Variants in ACAP3 observed in about 807,000 individuals in gnomAD.
ACAP3 encodes ArfGAP with coiled-coil, ankyrin repeat and PH domains 3.
ACAP3 carries 56 observed loss-of-function variants against 104.1 expected under a neutral mutation model. The ratio of observed to expected loss-of-function variants is 0.54; its 90% CI spans 0.43 to 0.67. The LOEUF (loss-of-function observed/expected upper bound fraction) is 0.67. Ranked by LOEUF, ACAP3 falls within the 30% of genes least tolerant of loss-of-function variation. The pLI is 0.00. For missense variants in ACAP3, 1,208 were observed against 1,174.9 expected, an observed-to-expected ratio of 1.03 and a Z score of -0.41; for synonymous variants, 628 against 496.2, an observed-to-expected ratio of 1.27 and a Z score of -3.53.
At chr1:1,302,076 G>A (rs1404110071) in intron 4 of ACAP3, 30 bp from the exon 5 acceptor site, 9 of 1,478,720 alleles carry the variant, frequency 6.1e-6, no homozygotes, top group Non-Finnish European at 8.1e-6. Context: ...GAGATCCTTG[G>A]GGTCTGTCCC....
chr1:1,302,793 A>AG (rs1641501124), intron 4 of ACAP3, 129 bp downstream of exon 4: 7 of 202,094 alleles, frequency 3.5e-5, no homozygotes, highest in Non-Finnish European at 6.2e-5. Flanking sequence ...AAAATGTGGG[A>AG]TTCCCCCCCC....
At position 1,307,779 on chromosome 1, in the gene ACAP3, G is replaced by A; in HGVS notation, c.37C>T (p.Pro13Ser). ...VEFEECVKDSPRFRATIDEVE... is the reference protein window; with the variant it reads ...VEFEECVKDSSRFRATIDEVE... ...CCCCGGGCGGCGCACCTGAAGCGCGGGGAGTCCTTGACGCACTCCTCGAAC... is the reference window on the plus strand; with the variant it reads ...CCCCGGGCGGCGCACCTGAAGCGCGAGGAGTCCTTGACGCACTCCTCGAAC... The change falls in exon 1 of 24, where the codon CCG becomes TCG. Residue 13 changes from proline to serine, a missense_variant. Pro to Ser is a moderately conservative substitution (Grantham distance 74). Coordinates refer to ENST00000354700, the MANE Select transcript of ACAP3 (RefSeq NM_030649.3). The A allele has an allele frequency of 9.1e-7, 1 of 1,094,538 alleles. No individual in the cohort carries two copies. The highest frequency in any genetic ancestry group is 1.1e-6 in the Non-Finnish European group (1 of 900,414). 67.8% of individuals were successfully genotyped at this position (1,094,538 alleles called of 1,614,324 possible). A position where few individuals can be genotyped will look rare whatever the true frequency, so the allele number is the denominator to read the frequency against.
Position 1,295,888 on chromosome 1 carries a change from A to G in ACAP3, c.1553T>C (p.Leu518Pro). The G allele has an allele frequency of 6.2e-7, 1 of 1,612,140 alleles. No homozygotes were observed. The highest frequency in any genetic ancestry group is 8.5e-7 in the Non-Finnish European group (1 of 1,179,950). Reference protein sequence around the residue: ...IKDKYVEKKFLRKAPMAPALE... With the variant: ...IKDKYVEKKFPRKAPMAPALE... ...GGCTGGTGCCATGGGCGCCTTCCGC[A>G]GAAACTTCTTTTCCACGTATTTGTC... is the stretch of plus-strand genomic sequence containing the variant. Residue 518 changes from leucine (L) to proline (P), a missense_variant, in exon 18 of 24, where the codon CTG becomes CCG. Transcript: ENST00000354700.
chr1:1,300,218 C>T lies in ACAP3; in HGVS notation c.523-16G>A. 1 of 1,597,724 alleles carries T rather than the reference C, an allele frequency of 6.3e-7. No individual in the cohort carries two copies. Among genetic ancestry groups the T allele is most frequent in the Non-Finnish European group, 8.5e-7 (1 of 1,171,320 alleles). ...GAACATTGATCTGCCAGAGGGGGAG[C>T]CCACAGGTGAGCCCCGGAGGCTGAG... On this transcript the variant is annotated splice_polypyrimidine_tract_variant and intron_variant, in intron 6 of 23. Coordinates refer to ENST00000354700, the MANE Select transcript of ACAP3 (RefSeq NM_030649.3).
chr1:1,294,924 G>A, intron 19 of ACAP3, 108 bp from the exon 20 acceptor site: 1 of 1,121,868 alleles, frequency 8.9e-7, no homozygotes, highest in Non-Finnish European at 1.3e-6. Context: ...CACCCCTAGG[G>A]ACAGGACCAG....
At chr1:1,296,897 C>T (rs1641194359) in intron 14 of ACAP3, among the ~76,000 whole-genome samples, 1 of 152,162 alleles carries the variant, frequency 6.6e-6, no homozygotes, top group African/African-American at 2.4e-5. Flanking sequence ...GTGTGCACAC[C>T]CTCACGTGGG....
At chr1:1,307,280 G>A (rs1570672969) in intron 1 of ACAP3, 5 of 1,288,160 alleles carry the variant, frequency 3.9e-6, no homozygotes, top group Middle Eastern at 2.1e-4. Flanking sequence ...CTTCTCGGCC[G>A]CCACCCCTCC....
rs116679929 is a variant in ACAP3 at position 1,296,919 on chromosome 1, G to T, written c.1129-286C>A. Among the ~76,000 whole-genome samples the T allele has an allele frequency of 8.8e-3, 1,346 of 152,172 alleles. 11 individuals carry two copies. Among genetic ancestry groups the T allele is most frequent in the Non-Finnish European group, 0.015 (1,044 of 67,992 alleles). On this transcript the variant is annotated intron_variant, in intron 14 of 23. Coordinates refer to ENST00000354700, the MANE Select transcript of ACAP3 (RefSeq NM_030649.3). The stretch of plus-strand genomic sequence containing the variant: ...CACCCTCACGTGGGCAGATGGTGCC[G>T]AGCACACTCCCACACGCGCGTGTAT...
Position 1,297,828 on chromosome 1 carries a change from A to G in ACAP3, c.1122T>C (p.Tyr374=), listed in dbSNP as rs1553162727. The G allele has an allele frequency of 1.2e-6, 2 of 1,610,966 alleles. No homozygotes were observed. Among genetic ancestry groups the G allele is most frequent in the Non-Finnish European group, 1.7e-6 (2 of 1,178,966 alleles). Residue 374 remains tyrosine (Y), a synonymous_variant, in exon 14 of 24, where the codon TAT becomes TAC. Transcript: ENST00000354700. Reference sequence around the variant, plus strand: ...GGGGCACCAAGGGCCACACCTCGCTATAGCAACTGTCAGGGCTCTCGCGGT... The same window carrying G: ...GGGGCACCAAGGGCCACACCTCGCTGTAGCAACTGTCAGGGCTCTCGCGGT... ...SAYRESPDSC[Y]SERLDRTASP... is the part of the protein sequence containing the mutation.
At position 1,300,036 on chromosome 1, in the gene ACAP3, G is replaced by A. The variant is rs147197474; in HGVS notation, c.600C>T (p.Phe200=). The A allele has an allele frequency of 2.5e-3, 4,020 of 1,612,570 alleles. 9 individuals are homozygous for A. Among genetic ancestry groups the A allele is most frequent in the Non-Finnish European group, 2.8e-3 (3,306 of 1,179,856 alleles). Residue 200 remains phenylalanine, a synonymous_variant, in exon 8 of 24, where the codon TTC becomes TTT. Transcript: ENST00000354700. ...MLSFMHAQSS[F]FQQGYSLLHQ... Reference sequence around the variant, plus strand: ...GCAGGAGGCTGTAGCCCTGCTGGAAGAAGCTGGACTGGGCGTGCATGAAGG... The same window carrying A: ...GCAGGAGGCTGTAGCCCTGCTGGAAAAAGCTGGACTGGGCGTGCATGAAGG...
At chr1:1,298,329 C>T (rs1406796661) in intron 12 of ACAP3, 41 bp downstream of exon 12, 11 of 1,604,660 alleles carry the variant, frequency 6.9e-6, no homozygotes, top group South Asian at 4.4e-5. Flanking sequence ...CCAGGTGGGG[C>T]GTCCAGCCAT....
At position 1,300,556 on chromosome 1, in the gene ACAP3, G is replaced by T; in HGVS notation, c.475C>A (p.Leu159Ile). ...EVEEATGALTLTRKCFRHLAL... is the reference protein window; with the variant it reads ...EVEEATGALTITRKCFRHLAL... ...AGGTGGCGGAAGCACTTCCTGGTGAGGGTGAGGGCCCCGGTGGCTTCCTCC... is the reference window on the plus strand; with the variant it reads ...AGGTGGCGGAAGCACTTCCTGGTGATGGTGAGGGCCCCGGTGGCTTCCTCC... Residue 159 changes from leucine (L) to isoleucine (I), a missense_variant, in exon 6 of 24, where the codon CTC (leucine) becomes ATC (isoleucine). Physicochemically the swap from Leu to Ile is conservative, Grantham distance 5. Coordinates refer to ENST00000354700, the MANE Select transcript of ACAP3 (RefSeq NM_030649.3). 1 of 1,612,136 alleles carries T rather than the reference G, an allele frequency of 6.2e-7. No homozygotes were observed. Among genetic ancestry groups the T allele is most frequent in the South Asian group, 1.1e-5 (1 of 91,026 alleles).
chr1:1,299,410 G>T, intron 9 of ACAP3, 54 bp from the exon 10 acceptor site: 1 of 1,486,688 alleles, frequency 6.7e-7, no homozygotes, highest in Non-Finnish European at 9.0e-7. Flanking sequence ...AGTGACGGCT[G>T]CCAACTCCTG....
chr1:1,296,451 G>A lies in ACAP3; in HGVS notation c.1311C>T (p.Leu437=), dbSNP rs533685225. 1.0e-4 allele frequency: 155 copies of A among 1,546,698 alleles called. No individual in the cohort carries two copies. The Admixed American group carries it at 2.3e-3, about 22-fold the overall frequency. ...TGTGGATGCCGGAGCACTCAATGCA[G>A]AGCAGCACGCCCAGGTTGATGCTGG... ...RWASINLGVL[L]CIECSGIHRS... Residue 437 remains leucine, a synonymous_variant, in exon 15 of 24, where the codon CTC becomes CTT. Transcript: ENST00000354700.
In ACAP3 at chr1:1,303,906, C is replaced by T; in HGVS notation, c.105+180G>A. On this transcript the variant is annotated intron_variant, in intron 2 of 23. Coordinates refer to ENST00000354700, the MANE Select transcript of ACAP3 (RefSeq NM_030649.3). This position sits in a 1 kb window ranked among gnomAD's most constrained non-coding sequence, Gnocchi z 4.0. ...AGACTCAGGGCCAGCCACATGTGTG[C>T]ATGTGACATGTGCACCCTGGAACAC... The T allele has an allele frequency of 1.4e-6, 1 of 733,888 alleles. No individual in the cohort carries two copies. Among genetic ancestry groups the T allele is most frequent in the Non-Finnish European group, 2.2e-6 (1 of 446,746 alleles). The allele number at this position is 733,888 out of a possible 1,614,324, so 45.5% of individuals were successfully genotyped here. A position where few individuals can be genotyped will look rare whatever the true frequency, so the allele number is the denominator to read the frequency against.
In ACAP3 at chr1:1,294,586, TC is replaced by T; in HGVS notation, c.1954del (p.Asp652ThrfsTer61). The T allele has an allele frequency of 6.6e-7, 1 of 1,515,620 alleles. No homozygotes were observed. The highest frequency in any genetic ancestry group is 8.8e-7 in the Non-Finnish European group (1 of 1,138,458). 93.9% of individuals were successfully genotyped at this position (1,515,620 alleles called of 1,614,324 possible). On this transcript the variant is annotated frameshift_variant, in exon 21 of 24. Transcript: ENST00000354700. LOFTEE classifies it high-confidence loss of function. The stretch of plus-strand genomic sequence containing the variant: ...CAGGCCCCAGGCCTCGGCCTCAGTG[TC>T]CCCGTCTGCCTCACCGCTGGACTCC... ...SEESSGEADG[D>X]TEAEAWGLAD...
chr1:1,307,029 G>A (rs1362246929), intron 1 of ACAP3: 3 of 553,466 alleles, frequency 5.4e-6, no homozygotes, highest in African/African-American at 3.9e-5. Flanking sequence ...AGCGCACCCC[G>A]CACGAGCTCG....
rs997083868 is a variant in ACAP3, at chr1:1,293,461, C to T, written c.*103G>A. On this transcript the variant is annotated 3_prime_UTR_variant, in exon 24 of 24. Transcript: ENST00000354700. ...CAGCACTGGGGCTGCCAGGTATCGACCCGCGGGTCACACGCAGGGCCGCGG... is the reference window on the plus strand; with the variant it reads ...CAGCACTGGGGCTGCCAGGTATCGATCCGCGGGTCACACGCAGGGCCGCGG... 8 of 1,225,332 alleles carry T rather than the reference C, an allele frequency of 6.5e-6. No individual in the cohort carries two copies. The highest frequency in any genetic ancestry group is 4.5e-5 in the Admixed American group (1 of 22,406). The allele number at this position is 1,225,332 out of a possible 1,614,324, so 75.9% of individuals were successfully genotyped here.
chr1:1,294,661 C>A, intron 20 of ACAP3, 33 bp from the exon 21 acceptor site: 3 of 1,539,000 alleles, frequency 1.9e-6, no homozygotes, highest in Non-Finnish European at 1.8e-6. Context: ...GAAAGCAACC[C>A]CCGGGGCTGC....
Sources: allele counts gnomAD v4.1 joint callset (sites outside exome capture counted in the v4.1 genomes callset), GRCh38; gene constraint gnomAD v4.1.1; non-coding constraint Gnocchi (gnomAD v3.1); transcripts MANE v1.5; gene names NCBI Gene and HGNC (gene_info 2026-07-23, HGNC 2026-07-21).